SMTN: variants seen among roughly 807,000 people sequenced by gnomAD.
SMTN encodes smoothelin.
In SMTN, 58 loss-of-function variants were observed where a neutral mutation model predicts 102.0. The ratio of observed to expected loss-of-function variants is 0.57; its 90% confidence interval spans 0.46 to 0.71. The LOEUF (loss-of-function observed/expected upper bound fraction) is 0.71, where lower values mean the gene tolerates loss of function less well. SMTN is among the 30% of genes least tolerant of loss of function. The pLI is 0.00. For missense variants in SMTN, 1,185 were observed against 1,241.7 expected, an observed-to-expected ratio of 0.95 and a Z score of 0.69; for synonymous variants, 478 against 497.9, an observed-to-expected ratio of 0.96 and a Z score of 0.53.
intron 10 of SMTN, 28 bp downstream of exon 10, chr22:31,091,510 G>A: frequency 6.6e-7 from 1 of 1,517,186 alleles, no homozygotes; most frequent in Non-Finnish European, 8.8e-7. Flanking sequence ...CCTCCCCAAT[G>A]GGGATGAGTG....
At chr22:31,085,133 G>C (rs1343361469) in intron 2 of SMTN, 1 of 1,535,332 alleles carries the variant, frequency 6.5e-7, no homozygotes, top group African/African-American at 1.4e-5. Context: ...CACCCGCCGG[G>C]ACGCCCTCTG....
rs79929933 is a variant in SMTN at position 31,098,738 on chromosome 22, A to T, written c.2231A>T (p.Glu744Val). 1 of 1,613,146 alleles carries T rather than the reference A, an allele frequency of 6.2e-7. No individual in the cohort carries two copies. Among genetic ancestry groups the T allele is most frequent in the South Asian group, 1.1e-5 (1 of 91,048 alleles). The stretch of plus-strand genomic sequence containing the variant: ...GCGGCGCTCGAGAAACGGCAGGCCG[A>T]GAAGAAGAAAGAGCTGATGAAGGCG... ...SLAALEKRQAEKKKELMKAQS... is the reference protein window; with the variant it reads ...SLAALEKRQAVKKKELMKAQS... Residue 744 changes from glutamate to valine, a missense_variant, in exon 17 of 21, where the codon GAG becomes GTG. Physicochemically the swap from Glu to Val is moderately radical, Grantham distance 121 (BLOSUM62 -2). Transcript: ENST00000333137.
chr22:31,093,573 G>A, intron 11 of SMTN: 1 of 736,848 alleles, frequency 1.4e-6, no homozygotes, highest in Admixed American at 1.9e-5. Context: ...AGGCAGCCGA[G>A]GTAGCTGTAG....
At position 31,082,971 on chromosome 22, in the gene SMTN, G is replaced by A. The variant is rs557722106; in HGVS notation, c.-80-208G>A. On this transcript the variant is annotated intron_variant, in intron 1 of 20. Transcript: ENST00000333137. ...GCAGACTGGCGGCCAAGCTGGCAGG[G>A]CTGGAACCAGAGACCCCCTACCCTG... The A allele has an allele frequency of 2.7e-6, 4 of 1,468,260 alleles. No homozygotes were observed. In the South Asian group the frequency reaches 4.9e-5, roughly 18 times the overall value. The allele number at this position is 1,468,260 out of a possible 1,614,324, so 91.0% of individuals were successfully genotyped here. A position where few individuals can be genotyped will look rare whatever the true frequency, so the allele number is the denominator to read the frequency against.
chr22:31,089,755 C>G lies in SMTN; in HGVS notation c.528C>G (p.Thr176=). 1 of 1,611,090 alleles carries G rather than the reference C, an allele frequency of 6.2e-7. No individual in the cohort carries two copies. The highest frequency in any genetic ancestry group is 8.5e-7 in the Non-Finnish European group (1 of 1,179,950). ...CAGAGGTTTCAAAGCCAACCCCCACCCCTGAAGGCACCAGCCAGGATGTGA... is the reference window on the plus strand; with the variant it reads ...CAGAGGTTTCAAAGCCAACCCCCACGCCTGAAGGCACCAGCCAGGATGTGA... The part of the protein sequence containing the change: ...QQAEVSKPTP[T]PEGTSQDVTT... Residue 176 remains threonine, a synonymous_variant, in exon 7 of 21, where the codon ACC becomes ACG. Coordinates refer to ENST00000333137, the MANE Select transcript of SMTN (RefSeq NM_134269.3).
intron 3 of SMTN, 90 bp from the exon 4 acceptor site, chr22:31,088,423 C>T: frequency 3.5e-6 from 4 of 1,156,100 alleles, no homozygotes; most frequent in Non-Finnish European, 5.1e-6. Flanking sequence ...TGCCAAGGTT[C>T]TGGGTACTCT....
rs745595931 is a variant in SMTN at position 31,093,583 on chromosome 22, G to A, written c.1633-1720G>A. 1.9e-5 allele frequency: 14 copies of A among 743,522 alleles called. No individual in the cohort carries two copies. In the Admixed American group the frequency reaches 2.2e-4, roughly 12 times the overall value. 46.1% of individuals were successfully genotyped at this position (743,522 alleles called of 1,614,324 possible). A position where few individuals can be genotyped will look rare whatever the true frequency, so the allele number is the denominator to read the frequency against. Reference sequence around the variant, plus strand: ...GACCCAGGCAGCCGAGGTAGCTGTAGCCACCGTGGAGCCGGTGGCCCGGGC... The same window carrying A: ...GACCCAGGCAGCCGAGGTAGCTGTAACCACCGTGGAGCCGGTGGCCCGGGC... On this transcript the variant is annotated intron_variant, in intron 11 of 20. Coordinates refer to ENST00000333137, the MANE Select transcript of SMTN (RefSeq NM_134269.3).
rs1013751731 is a variant in SMTN at position 31,099,456 on chromosome 22, AG to A, written c.2451+279del. 9 of 587,836 alleles carry A rather than the reference AG, an allele frequency of 1.5e-5. No homozygotes were observed. In the African/African-American group the frequency reaches 1.7e-4, roughly 11 times the overall value. 36.4% of individuals were successfully genotyped at this position (587,836 alleles called of 1,614,324 possible). A position where few individuals can be genotyped will look rare whatever the true frequency, so the allele number is the denominator to read the frequency against. On this transcript the variant is annotated intron_variant, in intron 18 of 20. Coordinates refer to ENST00000333137, the MANE Select transcript of SMTN (RefSeq NM_134269.3). ...TGGAGTCCCCTCCTTGTTGCTCTGT[AG>A]GAGGCCCTGAGTCAATTTCTCTAAA...
chr22:31,071,745 G>A lies in SMTN; in HGVS notation c.-386+7558G>A, dbSNP rs546954780. Among the ~76,000 whole-genome samples the A allele has an allele frequency of 1.6e-3, 245 of 148,626 alleles. 15 individuals carry two copies. The South Asian group carries it at 0.05, about 30-fold the overall frequency. On this transcript the variant is annotated intron_variant, in intron 1 of 3. Transcript: ENST00000422839. ...GAGTTTCACTCTGATACCCAATCTGGAGTGCAGTGGCATGATCTCGGCTCA... is the reference window on the plus strand; with the variant it reads ...GAGTTTCACTCTGATACCCAATCTGAAGTGCAGTGGCATGATCTCGGCTCA...
rs548678718 is a variant in SMTN at position 31,090,727 on chromosome 22, G to C, written c.866-81G>C. Reference sequence around the variant, plus strand: ...GGAAGCTAGGGAGGTGTAGAGGAGAGGATTATGAAAGGTGGACACCCACTA... The same window carrying C: ...GGAAGCTAGGGAGGTGTAGAGGAGACGATTATGAAAGGTGGACACCCACTA... On this transcript the variant is annotated intron_variant, in intron 8 of 20. Coordinates refer to ENST00000333137, the MANE Select transcript of SMTN (RefSeq NM_134269.3). 6.7e-5 allele frequency: 75 copies of C among 1,120,694 alleles called. 1 individual carries two copies. In the South Asian group the frequency reaches 8.8e-4, roughly 13 times the overall value. The allele number at this position is 1,120,694 out of a possible 1,614,324, so 69.4% of individuals were successfully genotyped here.
chr22:31,093,796 GCCGGGAC>G, intron 11 of SMTN: 1 of 1,594,112 alleles, frequency 6.3e-7, no homozygotes, highest in Non-Finnish European at 8.5e-7. Context: ...TGCCGAGGAT[GCCGGGAC>G]CCCCGTGGCC....
Position 31,095,594 on chromosome 22 carries a change from C to T in SMTN, c.1846C>T (p.Arg616Ter), listed in dbSNP as rs1427240049. ...CATCCGGGCTGCACTTCGTGAGCTCCGACAAAGGAAGAGAGGTAGAGAGCC... is the reference window on the plus strand; with the variant it reads ...CATCCGGGCTGCACTTCGTGAGCTCTGACAAAGGAAGAGAGGTAGAGAGCC... ...KLIRAALRELRQRKRDQRDKE... is the reference protein window; with the variant it reads ...KLIRAALREL Residue 616 changes from arginine (R) to a stop codon, truncating the protein, a stop_gained, in exon 13 of 21, where the codon CGA (arginine) becomes TGA (stop). Transcript: ENST00000333137. LOFTEE classifies it high-confidence loss of function. The surrounding 1 kb of genome is among the most constrained non-coding windows in gnomAD (Gnocchi z 4.1). 7 of 1,613,144 alleles carry T rather than the reference C, an allele frequency of 4.3e-6. No homozygotes were observed. The highest frequency in any genetic ancestry group is 1.7e-5 in the Admixed American group (1 of 59,890).
chr22:31,082,095 T>C (rs2147543152), intron 1 of SMTN: 1 of 170,660 alleles, frequency 5.9e-6, no homozygotes, highest in East Asian at 1.6e-4. Flanking sequence ...ATGGGGTGAC[T>C]TCCCAAGTGA....
At chr22:31,074,807 AAAAC>A (rs2042090366) in intron 1 of SMTN, among the ~76,000 whole-genome samples, 1 of 94,730 alleles carries the variant, frequency 1.1e-5, no homozygotes, top group Admixed American at 8.5e-5. Context: ...AAAAACAACA[AAAAC>A]AACAACAACA....
rs767859341 is a variant in SMTN, at chr22:31,099,859, C to T, written c.2566C>T (p.Arg856Ter). 2.5e-6 allele frequency: 4 copies of T among 1,614,062 alleles called. No homozygotes were observed. The highest frequency in any genetic ancestry group is 1.3e-5 in the African/African-American group (1 of 75,038). Residue 856 changes from arginine (R) to a stop codon, truncating the protein, a stop_gained, in exon 19 of 21, where the codon CGA becomes TGA. Transcript: ENST00000333137. LOFTEE classifies it high-confidence loss of function. ...FDYGQLSPQNRRQNFEVAFSS... is the reference protein window; with the variant it reads ...FDYGQLSPQN ...CTATGGGCAGCTTAGCCCTCAGAAC[C>T]GACGCCAGAACTTCGAGGTGGCCTT...
rs1192965316 is a variant in SMTN, at chr22:31,083,298, C to T, written c.40C>T (p.Leu14Phe). Residue 14 changes from leucine (L) to phenylalanine (F), a missense_variant, in exon 2 of 21, where the codon CTT becomes TTT. By Grantham distance (22) the Leu-to-Phe change is conservative (BLOSUM62 0). This residue lies in a region of SMTN where 1,096 missense variants were observed against 1,112.7 expected (regional missense o/e 0.98). Coordinates refer to ENST00000333137, the MANE Select transcript of SMTN (RefSeq NM_134269.3). Reference sequence around the variant, plus strand: ...CTTAGCTGGGCTGGATGAGGGAGCCCTTCGGAAGCTGGTAAGTGGCCCCAT... The same window carrying T: ...CTTAGCTGGGCTGGATGAGGGAGCCTTTCGGAAGCTGGTAAGTGGCCCCAT... ...EALAGLDEGA[L>F]RKLLEVTADL... is the part of the protein sequence containing the mutation. The T allele has an allele frequency of 6.4e-7, 1 of 1,574,350 alleles. No homozygotes were observed. The highest frequency in any genetic ancestry group is 8.6e-7 in the Non-Finnish European group (1 of 1,161,986).
intron 18 of SMTN, 43 bp downstream of exon 18, chr22:31,099,222 C>T (rs2043880696): frequency 7.9e-7 from 1 of 1,258,490 alleles, no homozygotes; most frequent in Non-Finnish European, 1.2e-6. Context: ...CTCCCCAGAC[C>T]CCAGCTCAAC....
At chr22:31,091,632 A>G (rs373836111) in intron 10 of SMTN, 43 bp from the exon 11 acceptor site, 5 of 1,551,382 alleles carry the variant, frequency 3.2e-6, no homozygotes, top group Non-Finnish European at 4.4e-6. Flanking sequence ...CACTGCCCTC[A>G]CTCCACCTGA....
upstream of SMTN, among the ~76,000 whole-genome samples, chr22:31,081,135 G>C (rs921074830): frequency 6.6e-6 from 1 of 151,876 alleles, no homozygotes; most frequent in Non-Finnish European, 1.5e-5. Context: ...ACGACCCCAA[G>C]ACTCCCAATT....
Sources: gnomAD v4.1 joint callset for allele counts (sites outside exome capture counted in the v4.1 genomes callset) on GRCh38, gnomAD v4.1.1 for gene constraint, gnomAD v4.1.1 regional missense constraint, Gnocchi (gnomAD v3.1) non-coding constraint, MANE v1.5 for transcripts, NCBI Gene and HGNC (gene_info 2026-07-23, HGNC 2026-07-21) for gene names.